The following IGSF10 variants were observed in gnomAD, a reference collection of about 807,000 sequenced individuals.
The protein encoded by IGSF10 is immunoglobulin superfamily member 10.
In IGSF10, 126 loss-of-function variants were observed where a neutral mutation model predicts 128.2. The ratio of observed to expected loss-of-function variants is 0.98; its 90% CI spans 0.85 to 1.14. IGSF10 has a LOEUF of 1.14. Among genes scored for constraint, IGSF10 ranks in the 50% most tolerant of loss-of-function variants. The pLI is 0.00. For synonymous variants in IGSF10, 1,185 were observed against 1,146.2 expected (o/e 1.03, Z -0.68); for missense variants, 3,295 against 3,149.8 (o/e 1.05, Z -1.10).
the IGSF10 span, among the ~76,000 whole-genome samples, chr3:151,546,864 G>A: frequency 3.6e-4 from 54 of 151,810 alleles, no homozygotes; most frequent in African/African-American, 1.2e-3. Context: ...TCCGCCTCCC[G>A]GGTTCAAGCA....
At chr3:151,496,641 AT>A in the IGSF10 span, among the ~76,000 whole-genome samples, 1 of 148,176 alleles carries the variant, frequency 6.7e-6, no homozygotes, top group Non-Finnish European at 1.5e-5. Flanking sequence ...ATAAACATAC[AT>A]GTGCATGTGT....
At chr3:151,481,442 T>TCTTCAGCC in the IGSF10 span, among the ~76,000 whole-genome samples, 1 of 152,074 alleles carries the variant, frequency 6.6e-6, no homozygotes, top group African/African-American at 2.4e-5. Flanking sequence ...ATTGAAGCGG[T>TCTTCAGCC]CCTAAATTCA....
chr3:151,474,439 C>G, the IGSF10 span, among the ~76,000 whole-genome samples: 8 of 152,106 alleles, frequency 5.3e-5, no homozygotes, highest in Non-Finnish European at 1.2e-4. Flanking sequence ...GGTTTCTAAT[C>G]TTTATATTTC....
intron 7 of IGSF10, among the ~76,000 whole-genome samples, chr3:151,440,195 A>G (rs773956050): frequency 9.9e-5 from 15 of 151,846 alleles, no homozygotes; most frequent in Non-Finnish European, 1.5e-4. Flanking sequence ...ATGCCCTCCT[A>G]ATTTTTTTAT....
the IGSF10 span, among the ~76,000 whole-genome samples, chr3:151,519,924 T>C: frequency 6.6e-6 from 1 of 151,846 alleles, no homozygotes; most frequent in East Asian, 1.9e-4. Flanking sequence ...ATAGTGCATA[T>C]TAAAGATTTC....
chr3:151,446,192 T>A lies in IGSF10; in HGVS notation c.3789A>T (p.Pro1263=), dbSNP rs372430584. 1 of 1,613,904 alleles carries A rather than the reference T, an allele frequency of 6.2e-7. No individual in the cohort carries two copies. Among genetic ancestry groups the A allele is most frequent in the Non-Finnish European group, 8.5e-7 (1 of 1,179,942 alleles). Residue 1263 remains proline (P), a synonymous_variant, in exon 6 of 8, where the codon CCA becomes CCT. Coordinates refer to ENST00000282466, the MANE Select transcript of IGSF10 (RefSeq NM_178822.5). ...GGTGAGCGGTAGTCAAGGTATTAGA[T>A]GGAATTTGCATCACACTTGTTGAAA... The part of the protein sequence containing the change: ...TTLSTSVMQI[P]SNTLTTAHHT...
chr3:151,507,573 C>A, the IGSF10 span, among the ~76,000 whole-genome samples: 1 of 152,108 alleles, frequency 6.6e-6, no homozygotes, highest in Admixed American at 6.6e-5. Context: ...AGAAAACTTA[C>A]AATCGTGGCA....
Position 151,443,447 on chromosome 3 carries a change from TAACCAGC to T in IGSF10, c.5493_5499del (p.Leu1832LysfsTer12), listed in dbSNP as rs1394601140. ...GGTGGTGCTGCAATGACTTGTATTT[TAACCAGC>T]AGTGAATCCTGGCCACCTGGGTTGC... is the stretch of plus-strand genomic sequence containing the variant. On this transcript the variant is annotated frameshift_variant, in exon 7 of 8. Coordinates refer to ENST00000282466, the MANE Select transcript of IGSF10 (RefSeq NM_178822.5). LOFTEE classifies it high-confidence loss of function. 4 of 1,614,240 alleles carry T rather than the reference TAACCAGC, an allele frequency of 2.5e-6. No homozygotes were observed. The South Asian group carries it at 4.4e-5, about 18-fold the overall frequency.
chr3:151,567,811 C>A, the IGSF10 span, among the ~76,000 whole-genome samples: 3 of 152,278 alleles, frequency 2.0e-5, no homozygotes, highest in Non-Finnish European at 4.4e-5. Flanking sequence ...CCATTCCTTT[C>A]CACAAAACTG....
At chr3:151,489,180 T>C in the IGSF10 span, among the ~76,000 whole-genome samples, 8 of 152,160 alleles carry the variant, frequency 5.3e-5, no homozygotes, top group African/African-American at 1.9e-4. Context: ...GAACAGACCC[T>C]TCTCAAAAGA....
chr3:151,445,345 G>T lies in IGSF10; in HGVS notation c.4636C>A (p.Leu1546Met). 1 of 1,614,192 alleles carries T rather than the reference G, an allele frequency of 6.2e-7. No individual in the cohort carries two copies. Among genetic ancestry groups the T allele is most frequent in the Non-Finnish European group, 8.5e-7 (1 of 1,180,014 alleles). ...GCTGGCATGGGAGTAGAATGTAACA[G>T]ATTAGAGTAGATGAAGTGAGTGGTT... ...IGTTHFIYSN[L>M]LHSTPMPALT... Residue 1546 changes from leucine (L) to methionine (M), a missense_variant, in exon 6 of 8, where the codon CTG becomes ATG. Leu to Met is a conservative substitution (Grantham distance 15). Coordinates refer to ENST00000282466, the MANE Select transcript of IGSF10 (RefSeq NM_178822.5).
chr3:151,568,925 C>T, the IGSF10 span, among the ~76,000 whole-genome samples: 1 of 152,270 alleles, frequency 6.6e-6, no homozygotes, highest in South Asian at 2.1e-4. Flanking sequence ...CAGCAAAGTG[C>T]AGAATGCTAC....
chr3:151,446,320 T>C lies in IGSF10; in HGVS notation c.3661A>G (p.Asn1221Asp), dbSNP rs1195185450. Residue 1221 changes from asparagine (N) to aspartate (D), a missense_variant, in exon 6 of 8, where the codon AAT becomes GAT. Physicochemically the swap from Asn to Asp is conservative, Grantham distance 23. Transcript: ENST00000282466. ...NNHNPKGRLR[N>D]QHKVSLQKST... ...TTTTGTAAACTAACTTTATGTTGATTCCTTAATCTGCCTTTTGGGTTATGG... is the reference window on the plus strand; with the variant it reads ...TTTTGTAAACTAACTTTATGTTGATCCCTTAATCTGCCTTTTGGGTTATGG... 8 of 1,613,968 alleles carry C rather than the reference T, an allele frequency of 5.0e-6. No homozygotes were observed. Among genetic ancestry groups the C allele is most frequent in the Middle Eastern group, 1.6e-4 (1 of 6,084 alleles).
rs751495342 is a variant in IGSF10, at chr3:151,445,190, A to G, written c.4791T>C (p.Thr1597=). ...GAGTGGTGGCCTCGGACAGGCCTGT[A>G]GTAGCCAACATGCTTACTTCTGGCT... ...GKKPEVSMLA[T]TGLSEATTLV... The change falls in exon 6 of 8, where the codon ACT becomes ACC. Residue 1597 remains threonine, a synonymous_variant. Coordinates refer to ENST00000282466, the MANE Select transcript of IGSF10 (RefSeq NM_178822.5). 1 of 1,614,254 alleles carries G rather than the reference A, an allele frequency of 6.2e-7. No homozygotes were observed. Among genetic ancestry groups the G allele is most frequent in the East Asian group, 2.2e-5 (1 of 44,888 alleles).
At chr3:151,607,565 A>G in the IGSF10 span, among the ~76,000 whole-genome samples, 1 of 152,166 alleles carries the variant, frequency 6.6e-6, no homozygotes, top group Admixed American at 6.5e-5. Context: ...TTTGTTTTAA[A>G]AAGTATGTAA....
rs1361792559 is a variant in IGSF10, at chr3:151,437,521, A to G, written c.7040T>C (p.Ile2347Thr). ...PTFRNPFNEK[I>T]VAQLGKSTAL... ...TGTGGACTTTCCCAGCTGGGCAACT[A>G]TTTTTTCATTAAATGGATTTCTAAA... is the stretch of plus-strand genomic sequence containing the variant. Residue 2347 changes from isoleucine to threonine, a missense_variant, in exon 8 of 8, where the codon ATA (isoleucine) becomes ACA (threonine). Coordinates refer to ENST00000282466, the MANE Select transcript of IGSF10 (RefSeq NM_178822.5). The G allele has an allele frequency of 1.2e-6, 2 of 1,614,084 alleles. No individual in the cohort carries two copies. The highest frequency in any genetic ancestry group is 2.2e-5 in the South Asian group (2 of 91,082).
chr3:151,438,865 T>TAG (rs368154072), intron 7 of IGSF10, among the ~76,000 whole-genome samples: 50,587 of 150,330 alleles, frequency 0.34, 9,136 homozygotes, highest in Non-Finnish European at 0.42. Flanking sequence ...TATATATATA[T>TAG]AGAGAGAGAG....
chr3:151,455,179 C>T (rs950652046), intron 4 of IGSF10, among the ~76,000 whole-genome samples: 5 of 101,160 alleles, frequency 4.9e-5, no homozygotes, highest in African/African-American at 1.6e-4. Flanking sequence ...GGAGTGATCT[C>T]GGCTCACTAC....
At chr3:151,471,848 T>C in the IGSF10 span, among the ~76,000 whole-genome samples, 1 of 152,214 alleles carries the variant, frequency 6.6e-6, no homozygotes, top group South Asian at 2.1e-4. Context: ...ATATGCAATC[T>C]GAATGAACTA....
Sources: gnomAD v4.1 joint callset for allele counts (sites outside exome capture counted in the v4.1 genomes callset) on GRCh38, gnomAD v4.1.1 for gene constraint, MANE v1.5 for transcripts, NCBI Gene and HGNC (gene_info 2026-07-23, HGNC 2026-07-21) for gene names.